Variants in CENPP observed in about 807,000 individuals in gnomAD.
CENPP encodes centromere protein P.
A neutral mutation model predicts 35.6 loss-of-function variants in CENPP; 24 were observed. The observed-to-expected ratio is 0.67, with a 90% CI of 0.49 to 0.95. The LOEUF is 0.95. Ranked by LOEUF, CENPP falls within the 40% of genes least tolerant of loss-of-function variation. The pLI, the probability that CENPP is intolerant of heterozygous loss-of-function variation, is 0.00. For missense variants in CENPP, 332 were observed against 345.3 expected (o/e 0.96, Z 0.31); for synonymous variants, 120 against 125.5 (o/e 0.96, Z 0.29).
intron 5 of CENPP, among the ~76,000 whole-genome samples, chr9:92,386,782 C>T (rs1468862587): frequency 4.6e-5 from 7 of 152,154 alleles, no homozygotes. Context: ...CGAGGTTTCA[C>T]CATGTTGGCT....
At chr9:92,408,119 A>G (rs182214976) in intron 5 of CENPP, among the ~76,000 whole-genome samples, 1 of 152,286 alleles carries the variant, frequency 6.6e-6, no homozygotes, top group African/African-American at 2.4e-5. Flanking sequence ...CCCCATCTTC[A>G]TCTTCATTCT....
intron 5 of CENPP, among the ~76,000 whole-genome samples, chr9:92,468,555 G>A (rs899483328): frequency 2.6e-5 from 4 of 152,168 alleles, no homozygotes; most frequent in Non-Finnish European, 5.9e-5. Context: ...GAACCCAAGT[G>A]CCAAACAAGC....
intron 4 of CENPP, among the ~76,000 whole-genome samples, chr9:92,352,505 G>GTGTATATATATA: frequency 1.4e-4 from 7 of 49,788 alleles, no homozygotes; most frequent in African/African-American, 1.1e-3. Context: ...GTGTGTGTGT[G>GTGTATATATATA]TATACATATA....
At chr9:92,533,328 A>AAAAAATAT (rs1554683138) in intron 5 of CENPP, among the ~76,000 whole-genome samples, 12 of 38,334 alleles carry the variant, frequency 3.1e-4, no homozygotes, top group Non-Finnish European at 4.3e-4. Flanking sequence ...AAAAAAAAAA[A>AAAAAATAT]ATATATATAT....
intron 5 of CENPP, among the ~76,000 whole-genome samples, chr9:92,569,473 G>C (rs1346155912): frequency 1.3e-5 from 2 of 152,158 alleles, no homozygotes; most frequent in African/African-American, 4.8e-5. Context: ...ATGCTGTTTG[G>C]TTACTGTAGC....
intron 5 of CENPP, chr9:92,393,231 A>G (rs781725396): frequency 1.3e-6 from 2 of 1,575,458 alleles, no homozygotes; most frequent in South Asian, 2.4e-5. Context: ...CACACAGCAG[A>G]CACGTGGGCA....
Position 92,508,268 on chromosome 9 carries a change from G to A in CENPP, c.565-103046G>A, listed in dbSNP as rs79337188. The stretch of plus-strand genomic sequence containing the variant: ...GAGTGCAGCCGGGGGTATCTGAGCC[G>A]GAGGACAGAAGCACTGCCGGCATGG... On this transcript the variant is annotated intron_variant, in intron 5 of 7. Coordinates refer to ENST00000375587, the MANE Select transcript of CENPP (RefSeq NM_001012267.3). Among the ~76,000 whole-genome samples the A allele has an allele frequency of 4.0e-3, 612 of 152,322 alleles. 15 individuals carry two copies. The East Asian group carries it at 0.049, about 12-fold the overall frequency.
chr9:92,366,746 A>T (rs1327598869), intron 4 of CENPP, among the ~76,000 whole-genome samples: 2 of 152,190 alleles, frequency 1.3e-5, no homozygotes, highest in Non-Finnish European at 2.9e-5. Context: ...TTACACACAC[A>T]TGCTCATTTT....
At chr9:92,347,150 A>C (rs1841315797) in intron 4 of CENPP, among the ~76,000 whole-genome samples, 1 of 152,240 alleles carries the variant, frequency 6.6e-6, no homozygotes, top group Non-Finnish European at 1.5e-5. Flanking sequence ...GAATTCTAAA[A>C]TATACTGGCT....
At chr9:92,565,259 A>G (rs1374767671) in intron 5 of CENPP, among the ~76,000 whole-genome samples, 3 of 149,418 alleles carry the variant, frequency 2.0e-5, no homozygotes, top group Admixed American at 6.7e-5. Context: ...TGGGCCACAC[A>G]TAAAATACAC....
At chr9:92,527,846 T>G (rs1331828887) in intron 5 of CENPP, 1 of 154,132 alleles carries the variant, frequency 6.5e-6, no homozygotes, top group African/African-American at 2.4e-5. Flanking sequence ...ATTTTTTACA[T>G]TCTGCATACA....
At chr9:92,596,205 C>T (rs1453348982) in intron 5 of CENPP, among the ~76,000 whole-genome samples, 2 of 152,086 alleles carry the variant, frequency 1.3e-5, no homozygotes, top group Non-Finnish European at 2.9e-5. Context: ...GTGATTCTAG[C>T]TCACTGTAGC....
intron 5 of CENPP, among the ~76,000 whole-genome samples, chr9:92,472,108 T>C (rs1207114173): frequency 6.6e-6 from 1 of 152,150 alleles, no homozygotes; most frequent in Non-Finnish European, 1.5e-5. Flanking sequence ...TCCCAGCACT[T>C]TGGGAGGCCG....
At chr9:92,531,854 G>T (rs769600345) in intron 5 of CENPP, among the ~76,000 whole-genome samples, 2 of 151,974 alleles carry the variant, frequency 1.3e-5, no homozygotes, top group African/African-American at 2.4e-5. Context: ...CTGAAAGGAT[G>T]TATTTGTTAG....
intron 5 of CENPP, among the ~76,000 whole-genome samples, chr9:92,579,494 T>A (rs1850366484): frequency 6.6e-6 from 1 of 151,918 alleles, no homozygotes; most frequent in African/African-American, 2.4e-5. Flanking sequence ...TGGTTTGTAG[T>A]TCTCCTTGAA....
chr9:92,374,241 C>CTG (rs10569730), intron 4 of CENPP, among the ~76,000 whole-genome samples: 11,514 of 142,620 alleles, frequency 0.081, 584 homozygotes, highest in Admixed American at 0.2. Context: ...TTGCTGTTTG[C>CTG]TGTGTGTGTG....
intron 5 of CENPP, among the ~76,000 whole-genome samples, chr9:92,411,477 T>A (rs1450009191): frequency 1.3e-5 from 2 of 151,574 alleles, no homozygotes; most frequent in Non-Finnish European, 2.9e-5. Context: ...CTATTTTTAG[T>A]GGAGATGGAG....
chr9:92,521,496 T>G (rs1268443834), intron 5 of CENPP, among the ~76,000 whole-genome samples: 2 of 152,208 alleles, frequency 1.3e-5, no homozygotes, highest in Non-Finnish European at 2.9e-5. Context: ...TGGAAATAAT[T>G]AACGAAGAAG....
intron 5 of CENPP, among the ~76,000 whole-genome samples, chr9:92,477,964 G>A (rs555606688): frequency 2.6e-5 from 4 of 152,206 alleles, no homozygotes; most frequent in Admixed American, 6.5e-5. Context: ...ATTCTTCACC[G>A]TGTCTGTCTA....
Sources: gnomAD v4.1 joint callset for allele counts (sites outside exome capture counted in the v4.1 genomes callset) on GRCh38, gnomAD v4.1.1 for gene constraint, MANE v1.5 for transcripts, NCBI Gene and HGNC (gene_info 2026-07-23, HGNC 2026-07-21) for gene names.